Variants in ZNF385B observed in about 807,000 individuals in gnomAD.
The protein encoded by ZNF385B is zinc finger protein 385B, also known as zinc finger protein 533.
A neutral mutation model predicts 39.2 loss-of-function variants in ZNF385B; 23 were observed. The ratio of observed to expected loss-of-function variants is 0.59; its 90% CI spans 0.42 to 0.83. ZNF385B has a LOEUF of 0.83. ZNF385B is among the 40% of genes least tolerant of loss of function. ZNF385B has a pLI of 0.00. For synonymous variants in ZNF385B, 205 were observed against 222.6 expected (o/e 0.92, Z 0.70); for missense variants, 552 against 598.9 (o/e 0.92, Z 0.82).
chr2:179,530,962 T>C (rs945545741), intron 4 of ZNF385B, among the ~76,000 whole-genome samples: 1 of 152,144 alleles, frequency 6.6e-6, no homozygotes, highest in African/African-American at 2.4e-5. Flanking sequence ...AAAATTGTTT[T>C]CGTTTAAGCC....
chr2:179,593,080 T>C (rs1485767138), intron 3 of ZNF385B, among the ~76,000 whole-genome samples: 16 of 152,114 alleles, frequency 1.1e-4, no homozygotes, highest in Admixed American at 1.0e-3. Flanking sequence ...TCCCCAAACA[T>C]TAAGATTGCC....
intron 3 of ZNF385B, among the ~76,000 whole-genome samples, chr2:179,557,340 T>C (rs2060973221): frequency 6.8e-6 from 1 of 147,178 alleles, no homozygotes; most frequent in South Asian, 2.2e-4. Context: ...TTAAATGAGA[T>C]TTTAATTTTA....
At chr2:179,758,253 T>C (rs1703166528) in intron 3 of ZNF385B, among the ~76,000 whole-genome samples, 1 of 152,182 alleles carries the variant, frequency 6.6e-6, no homozygotes, top group Non-Finnish European at 1.5e-5. Flanking sequence ...GATTTTTAAA[T>C]AATAGAAATT....
intron 5 of ZNF385B, among the ~76,000 whole-genome samples, chr2:179,501,112 G>T (rs1245908834): frequency 6.6e-6 from 1 of 152,158 alleles, no homozygotes; most frequent in African/African-American, 2.4e-5. Flanking sequence ...AGGATGTAGA[G>T]AAAAGGGAAC....
chr2:179,715,128 C>A (rs1350583418), intron 3 of ZNF385B, among the ~76,000 whole-genome samples: 1 of 151,892 alleles, frequency 6.6e-6, no homozygotes, highest in Non-Finnish European at 1.5e-5. Context: ...AGACAAATAA[C>A]CTCACTCACT....
intron 3 of ZNF385B, among the ~76,000 whole-genome samples, chr2:179,754,227 T>C (rs931527404): frequency 6.6e-6 from 1 of 152,080 alleles, no homozygotes; most frequent in South Asian, 2.1e-4. Flanking sequence ...TTATATGCTG[T>C]ATTACATTTA....
chr2:179,798,653 T>C (rs146328508), intron 1 of ZNF385B, among the ~76,000 whole-genome samples: 5 of 152,232 alleles, frequency 3.3e-5, no homozygotes, highest in Non-Finnish European at 7.4e-5. Flanking sequence ...ACACACTCAC[T>C]GTAAATAATT....
intron 3 of ZNF385B, among the ~76,000 whole-genome samples, chr2:179,611,290 T>G (rs1423429702): frequency 6.6e-6 from 1 of 152,230 alleles, no homozygotes; most frequent in Non-Finnish European, 1.5e-5. Flanking sequence ...CAGCATCAGT[T>G]GACATGATCA....
At chr2:179,644,772 T>C (rs1692568670) in intron 3 of ZNF385B, among the ~76,000 whole-genome samples, 1 of 152,176 alleles carries the variant, frequency 6.6e-6, no homozygotes, top group Admixed American at 6.5e-5. Context: ...ACAGACTCCA[T>C]CACTTGCTGT....
rs374335366 is a variant in ZNF385B at position 179,744,910 on chromosome 2, C to T, written c.298+24593G>A. Among the ~76,000 whole-genome samples, 4 of 152,018 alleles carry T rather than the reference C, an allele frequency of 2.6e-5. No individual in the cohort carries two copies. The East Asian group carries it at 7.7e-4, about 29-fold the overall frequency. On this transcript the variant is annotated intron_variant, in intron 3 of 9. Transcript: ENST00000410066. ...CAATAGCACTCCATCTACTTGGAGG[C>T]TAACTTTGTGTCTGCCCTTATCTAG... is the stretch of plus-strand genomic sequence containing the variant.
At chr2:179,689,821 GTGTGTT>G (rs879319928) in intron 3 of ZNF385B, among the ~76,000 whole-genome samples, 18,210 of 69,104 alleles carry the variant, frequency 0.26, 1,270 homozygotes, top group Non-Finnish European at 0.31. Context: ...GTGTGTGTGT[GTGTGTT>G]TATTTGTTTT....
rs992475744 is a variant in ZNF385B at position 179,772,867 on chromosome 2, G to A, written c.-154-2195C>T. 5.9e-5 allele frequency among the ~76,000 whole-genome samples: 9 copies of A among 152,210 alleles called. No individual in the cohort carries two copies. In the South Asian group the frequency reaches 1.2e-3, roughly 21 times the overall value. On this transcript the variant is annotated intron_variant, in intron 1 of 9. Transcript: ENST00000410066. ...ACTGCCAGGAATGAGTGTAAGAAAA[G>A]TCAGGACAACTGAACCAAAAACTCT...
At chr2:179,783,649 C>G (rs1379270107) in intron 1 of ZNF385B, among the ~76,000 whole-genome samples, 1 of 151,666 alleles carries the variant, frequency 6.6e-6, no homozygotes, top group Non-Finnish European at 1.5e-5. Flanking sequence ...AAAAACAACT[C>G]CATTAAAAGT....
intron 3 of ZNF385B, among the ~76,000 whole-genome samples, chr2:179,591,716 C>A (rs918074386): frequency 2.0e-5 from 3 of 152,100 alleles, no homozygotes; most frequent in Non-Finnish European, 4.4e-5. Context: ...TAGATTCTCT[C>A]TTTTTTCCCC....
At chr2:179,452,469 C>T (rs1574202596) in intron 6 of ZNF385B, among the ~76,000 whole-genome samples, 1 of 151,946 alleles carries the variant, frequency 6.6e-6, no homozygotes, top group Admixed American at 6.6e-5. Context: ...ATCCTCTTGG[C>T]ATATGGAAGA....
chr2:179,618,821 G>C (rs2106155677), intron 3 of ZNF385B, among the ~76,000 whole-genome samples: 1 of 152,218 alleles, frequency 6.6e-6, no homozygotes, highest in African/African-American at 2.4e-5. Context: ...TACCTCAAAA[G>C]TTCTTGGCTT....
At chr2:179,773,791 T>C (rs994284209) in intron 1 of ZNF385B, among the ~76,000 whole-genome samples, 1 of 152,162 alleles carries the variant, frequency 6.6e-6, no homozygotes, top group Non-Finnish European at 1.5e-5. Context: ...TAAACTACAA[T>C]AAATTCTTTG....
intron 3 of ZNF385B, among the ~76,000 whole-genome samples, chr2:179,556,154 T>G (rs62176083): frequency 6.7e-6 from 1 of 148,274 alleles, no homozygotes; most frequent in Non-Finnish European, 1.5e-5. Context: ...GATTCATTTA[T>G]ACCTGAATAT....
At chr2:179,736,969 C>CAAACA (rs1003235327) in intron 3 of ZNF385B, among the ~76,000 whole-genome samples, 2 of 152,160 alleles carry the variant, frequency 1.3e-5, no homozygotes, top group African/African-American at 2.4e-5. Flanking sequence ...GCTCCGTCTC[C>CAAACA]AAACAAAACA....
Sources: allele counts gnomAD v4.1 joint callset (sites outside exome capture counted in the v4.1 genomes callset), GRCh38; gene constraint gnomAD v4.1.1; transcripts MANE v1.5; gene names NCBI Gene and HGNC (gene_info 2026-07-23, HGNC 2026-07-21).